The following EPS15L1 variants were observed in gnomAD, a reference collection of about 807,000 sequenced individuals.
EPS15L1 encodes epidermal growth factor receptor pathway substrate 15 like 1.
In EPS15L1, 43 loss-of-function variants were observed where a neutral mutation model predicts 117.1. The ratio of observed to expected loss-of-function variants is 0.37; its 90% CI spans 0.29 to 0.47. The LOEUF is 0.47. Ranked by LOEUF, EPS15L1 falls within the 20% of genes least tolerant of loss-of-function variation. EPS15L1 has a pLI of 0.99. For synonymous variants in EPS15L1, 459 were observed against 470.5 expected (o/e 0.98, Z 0.32); for missense variants, 981 against 1,164.0 (o/e 0.84, Z 2.29).
intron 22 of EPS15L1, among the ~76,000 whole-genome samples, chr19:16,373,348 G>A (rs1053189550): frequency 1.3e-5 from 2 of 152,178 alleles, no homozygotes; most frequent in South Asian, 4.1e-4. Flanking sequence ...CCGTCACTGT[G>A]TGCTGGCCGT....
rs1196175326 is a variant in EPS15L1, at chr19:16,365,158, A to C, written c.2381-3174T>G. ...CCATCATGCCTGTGTTCAGCTCTGC[A>C]GCCAAGCCCTGGGGCTGGGAGTGGC... On this transcript the variant is annotated intron_variant, in intron 22 of 23. Coordinates refer to ENST00000455140, the MANE Select transcript of EPS15L1 (RefSeq NM_001258374.3). The surrounding 1 kb of genome is among the most constrained non-coding windows in gnomAD (Gnocchi z 4.9). 6.6e-6 allele frequency among the ~76,000 whole-genome samples: 1 copy of C among 152,200 alleles called. No individual in the cohort carries two copies. The highest frequency in any genetic ancestry group is 1.5e-5 in the Non-Finnish European group (1 of 68,036).
intron 13 of EPS15L1, 54 bp downstream of exon 13, chr19:16,413,719 C>T: frequency 6.7e-7 from 1 of 1,498,276 alleles, no homozygotes; most frequent in Non-Finnish European, 9.3e-7. Context: ...GGGAAGTTTT[C>T]CTGAACTACA....
intron 16 of EPS15L1, among the ~76,000 whole-genome samples, chr19:16,400,336 C>CAAAAAAAAAAAAA (rs1162302779): frequency 4.9e-4 from 30 of 60,686 alleles, no homozygotes; most frequent in Admixed American, 4.3e-3. Context: ...GACTCCGTCT[C>CAAAAAAAAAAAAA]AAAAAAAAAA....
At chr19:16,402,673 C>A (rs1269607063) in intron 15 of EPS15L1, among the ~76,000 whole-genome samples, 188 bp from the exon 16 acceptor site, 1 of 151,924 alleles carries the variant, frequency 6.6e-6, no homozygotes, top group African/African-American at 2.4e-5. Flanking sequence ...TCCTGAGTAG[C>A]TGGGACTACA....
At chr19:16,436,574 TCAC>T in intron 6 of EPS15L1, 1 of 192,236 alleles carries the variant, frequency 5.2e-6, no homozygotes, top group South Asian at 1.5e-4. Context: ...TTGCAAGCTC[TCAC>T]CGTTTCCTCT....
chr19:16,433,436 C>G (rs529149060), intron 7 of EPS15L1, among the ~76,000 whole-genome samples: 6 of 152,166 alleles, frequency 3.9e-5, no homozygotes, highest in African/African-American at 1.4e-4. Context: ...CAGGCTAAGA[C>G]TTTCTTTAAA....
chr19:16,420,995 G>C (rs2092808487), intron 10 of EPS15L1, among the ~76,000 whole-genome samples: 1 of 152,260 alleles, frequency 6.6e-6, no homozygotes, highest in Non-Finnish European at 1.5e-5. Context: ...CTGTGACAAA[G>C]TCCAGGCCTC....
chr19:16,454,667 G>C (rs2093178079), intron 1 of EPS15L1, among the ~76,000 whole-genome samples: 1 of 152,146 alleles, frequency 6.6e-6, no homozygotes, highest in African/African-American at 2.4e-5. Context: ...GCATGGCACA[G>C]GGGTAAGGCC....
rs1009176253 is a variant in EPS15L1, at chr19:16,471,258, G to A, written c.33+655C>T. ...CCAACGCACATTTGAGGGATGGATA[G>A]AAAATGAATGAATGAAAGTCTCTCC... is the stretch of plus-strand genomic sequence containing the variant. On this transcript the variant is annotated intron_variant, in intron 1 of 23. Transcript: ENST00000455140. This position sits in a 1 kb window ranked among gnomAD's most constrained non-coding sequence, Gnocchi z 4.8. Among the ~76,000 whole-genome samples, 1 of 152,232 alleles carries A rather than the reference G, an allele frequency of 6.6e-6. No individual in the cohort carries two copies. Among genetic ancestry groups the A allele is most frequent in the South Asian group, 2.1e-4 (1 of 4,838 alleles).
chr19:16,403,811 C>T lies in EPS15L1; in HGVS notation c.1548G>A (p.Glu516=), dbSNP rs2092627294. ...GGACTCGCCCAGCCTGAATGCTCTG[C>T]TCCAGCTGGGTTTCCTCCTGCTGCA... ...NRLQQEETQL[E]QSIQAGRVQL... Residue 516 remains glutamate (E), a synonymous_variant, in exon 15 of 24, where the codon GAG becomes GAA. Transcript: ENST00000455140. 6.2e-7 allele frequency: 1 copy of T among 1,614,006 alleles called. No homozygotes were observed. The highest frequency in any genetic ancestry group is 8.5e-7 in the Non-Finnish European group (1 of 1,180,038).
At chr19:16,436,101 A>G (rs1365202745) in intron 6 of EPS15L1, among the ~76,000 whole-genome samples, 1 of 152,174 alleles carries the variant, frequency 6.6e-6, no homozygotes, top group East Asian at 1.9e-4. Context: ...GTCACATGAC[A>G]TATCTTCATG....
chr19:16,376,497 T>G (rs963226737), intron 22 of EPS15L1, among the ~76,000 whole-genome samples: 3 of 152,142 alleles, frequency 2.0e-5, no homozygotes, highest in African/African-American at 7.2e-5. Flanking sequence ...GGGCAGGGCC[T>G]GTAGGAAGTC....
intron 1 of EPS15L1, among the ~76,000 whole-genome samples, chr19:16,462,011 G>A (rs919344831): frequency 1.3e-5 from 2 of 152,186 alleles, no homozygotes; most frequent in African/African-American, 4.8e-5. Flanking sequence ...ACCCAGCAGG[G>A]AGCAGGAAAG....
chr19:16,362,934 G>C (rs777984888), intron 22 of EPS15L1, among the ~76,000 whole-genome samples: 10 of 152,184 alleles, frequency 6.6e-5, no homozygotes, highest in Non-Finnish European at 1.2e-4. Flanking sequence ...TCCCAGCAAG[G>C]TATATCTTGA....
chr19:16,355,669 C>T lies in EPS15L1; in HGVS notation c.*36G>A, dbSNP rs1161386552. On this transcript the variant is annotated 3_prime_UTR_variant, in exon 24 of 24. Transcript: ENST00000455140. Reference sequence around the variant, plus strand: ...TCTGCACTGCCCCCTCTCTGGAACCCGCCCGTGCCCTGTCCCGCCTACACA... The same window carrying T: ...TCTGCACTGCCCCCTCTCTGGAACCTGCCCGTGCCCTGTCCCGCCTACACA... 31 of 1,527,064 alleles carry T rather than the reference C, an allele frequency of 2.0e-5. No individual in the cohort carries two copies. The highest frequency in any genetic ancestry group is 2.5e-5 in the Non-Finnish European group (28 of 1,140,388). 94.6% of individuals were successfully genotyped at this position (1,527,064 alleles called of 1,614,324 possible).
intron 22 of EPS15L1, among the ~76,000 whole-genome samples, chr19:16,375,661 C>T (rs775426750): frequency 3.9e-5 from 6 of 152,232 alleles, no homozygotes; most frequent in Non-Finnish European, 7.3e-5. Flanking sequence ...TGGTAAATGT[C>T]TTTGATGTGT....
rs114905557 is a variant in EPS15L1, at chr19:16,435,730, C to T, written c.372+1207G>A. On this transcript the variant is annotated intron_variant, in intron 6 of 23. Coordinates refer to ENST00000455140, the MANE Select transcript of EPS15L1 (RefSeq NM_001258374.3). Reference sequence around the variant, plus strand: ...TTCAGAAGCCCAGAAATGTTCACAACGGAAACAAACACTTGGCACTTCGGG... The same window carrying T: ...TTCAGAAGCCCAGAAATGTTCACAATGGAAACAAACACTTGGCACTTCGGG... Among the ~76,000 whole-genome samples, 614 of 152,054 alleles carry T rather than the reference C, an allele frequency of 4.0e-3. 1 individual carries two copies. The highest frequency in any genetic ancestry group is 0.014 in the African/African-American group (570 of 41,460).
At chr19:16,455,465 G>A (rs1186712040) in intron 1 of EPS15L1, among the ~76,000 whole-genome samples, 1 of 152,240 alleles carries the variant, frequency 6.6e-6, no homozygotes, top group East Asian at 1.9e-4. Flanking sequence ...ATTGCCTGCA[G>A]CAGGCTTCCT....
chr19:16,456,920 G>T (rs1847846108), intron 1 of EPS15L1, among the ~76,000 whole-genome samples: 1 of 152,116 alleles, frequency 6.6e-6, no homozygotes, highest in Non-Finnish European at 1.5e-5. Context: ...ACGCTGTGCT[G>T]AAAAGACAGG....
Sources: allele counts gnomAD v4.1 joint callset (sites outside exome capture counted in the v4.1 genomes callset), GRCh38; gene constraint gnomAD v4.1.1; non-coding constraint Gnocchi (gnomAD v3.1); transcripts MANE v1.5; gene names NCBI Gene and HGNC (gene_info 2026-07-23, HGNC 2026-07-21).